CELF2: variants seen among roughly 807,000 people sequenced by gnomAD.
The protein encoded by CELF2 is CUGBP Elav-like family member 2, also known as CUG triplet repeat RNA-binding protein 2.
CELF2 carries 8 observed loss-of-function variants against 62.6 expected under a neutral mutation model. That is an observed-to-expected ratio of 0.13 (90% CI 0.07 to 0.23). The LOEUF (loss-of-function observed/expected upper bound fraction) is 0.23, where lower values mean the gene tolerates loss of function less well. Ranked by LOEUF, CELF2 falls within the 10% of genes least tolerant of loss-of-function variation. The pLI is 1.00. For missense variants in CELF2, 333 were observed against 671.0 expected (o/e 0.50, Z 5.56); for synonymous variants, 258 against 250.0 (o/e 1.03, Z -0.30).
At chr10:11,187,752 C>T (rs1488420642) in intron 2 of CELF2, among the ~76,000 whole-genome samples, 1 of 151,818 alleles carries the variant, frequency 6.6e-6, no homozygotes, top group East Asian at 1.9e-4. Flanking sequence ...TGAGAATCTA[C>T]TTCCATTTCT....
In CELF2 at chr10:11,019,071, A is replaced by G. The variant is rs549825638; in HGVS notation, c.74+908A>G. On this transcript the variant is annotated intron_variant, in intron 1 of 12. Coordinates refer to ENST00000633077, the MANE Select transcript of CELF2 (RefSeq NM_001326342.2). Reference sequence around the variant, plus strand: ...GGTAGAGCGTTTATTGGAAAGAAGTAGAGAGCTGGGATTCCTGAAGAAAGG... The same window carrying G: ...GGTAGAGCGTTTATTGGAAAGAAGTGGAGAGCTGGGATTCCTGAAGAAAGG... 1.0e-3 allele frequency among the ~76,000 whole-genome samples: 154 copies of G among 152,326 alleles called. 3 individuals carry two copies. Among genetic ancestry groups the G allele is most frequent in the African/African-American group, 3.6e-3 (151 of 41,574 alleles).
intron 1 of CELF2, among the ~76,000 whole-genome samples, chr10:10,903,827 G>T (rs2063125208): frequency 6.6e-6 from 1 of 152,164 alleles, no homozygotes. Context: ...CTTCTATAGT[G>T]CCCCTACAGG....
At chr10:10,737,181 A>G in the CELF2 span, among the ~76,000 whole-genome samples, 1 of 152,140 alleles carries the variant, frequency 6.6e-6, no homozygotes, top group South Asian at 2.1e-4. Context: ...TATCCGTCAA[A>G]TGTTTGAAAC....
At chr10:11,323,942 ATAT>A (rs2095589183) in intron 11 of CELF2, among the ~76,000 whole-genome samples, 1 of 150,736 alleles carries the variant, frequency 6.6e-6, no homozygotes, top group South Asian at 2.1e-4. Context: ...TTTCATTTTA[ATAT>A]TAAAAACTCG....
At chr10:11,190,752 C>G (rs1388012440) in intron 2 of CELF2, among the ~76,000 whole-genome samples, 3 of 113,578 alleles carry the variant, frequency 2.6e-5, no homozygotes, top group African/African-American at 1.0e-4. Flanking sequence ...CTCTCAGTGG[C>G]TGGGTTTTGT....
At chr10:10,671,721 T>C in the CELF2 span, among the ~76,000 whole-genome samples, 3 of 152,058 alleles carry the variant, frequency 2.0e-5, no homozygotes, top group African/African-American at 7.2e-5. Flanking sequence ...TTATTTGCCA[T>C]CTGTATGTCT....
Position 11,241,491 on chromosome 10 carries a change from C to T in CELF2, c.355-7662C>T, listed in dbSNP as rs193238498. 4.6e-5 allele frequency among the ~76,000 whole-genome samples: 7 copies of T among 152,282 alleles called. No individual in the cohort carries two copies. In the South Asian group the frequency reaches 8.3e-4, roughly 18 times the overall value. ...CTGGGATTACAGGTGTGAGTGACCG[C>T]GCTGGGCCAGCTGCTTGTTATTGAT... On this transcript the variant is annotated intron_variant, in intron 3 of 12. Transcript: ENST00000633077.
chr10:10,582,047 C>G, the CELF2 span, among the ~76,000 whole-genome samples: 1 of 152,010 alleles, frequency 6.6e-6, no homozygotes, highest in Non-Finnish European at 1.5e-5. Flanking sequence ...GGTGGGGGGT[C>G]ACATATCCAC....
chr10:11,032,146 C>CAAAAAAAAAAAAAAAAAAAAAAA (rs56364371), intron 1 of CELF2, among the ~76,000 whole-genome samples: 1 of 86,390 alleles, frequency 1.2e-5, no homozygotes. Context: ...AGGGCTTAGC[C>CAAAAAAAAAAAAAAAAAAAAAAA]AAAAAAAAAA....
chr10:10,833,352 C>G (rs1564689919), intron 1 of CELF2, among the ~76,000 whole-genome samples: 1 of 152,198 alleles, frequency 6.6e-6, no homozygotes, highest in African/African-American at 2.4e-5. Context: ...TCCTTACCAA[C>G]TGTGTTCATT....
the CELF2 span, among the ~76,000 whole-genome samples, chr10:10,712,272 C>T: frequency 6.6e-6 from 1 of 151,546 alleles, no homozygotes; most frequent in Non-Finnish European, 1.5e-5. Flanking sequence ...ATCAGAGAAG[C>T]TTTGGCTCCT....
upstream of CELF2, chr10:10,798,284 A>C (rs1437524653): frequency 6.5e-6 from 1 of 153,108 alleles, no homozygotes; most frequent in Admixed American, 6.5e-5. Context: ...AAGAAACCTA[A>C]CCAGTCTCCT....
intron 2 of CELF2, among the ~76,000 whole-genome samples, chr10:10,984,475 C>T (rs2052513022): frequency 6.6e-6 from 1 of 152,120 alleles, no homozygotes; most frequent in Non-Finnish European, 1.5e-5. Context: ...AAGCCTGGCG[C>T]CGTTTGATTC....
upstream of CELF2, among the ~76,000 whole-genome samples, chr10:10,795,968 A>AC (rs1175727740): frequency 6.6e-6 from 1 of 151,522 alleles, no homozygotes; most frequent in Non-Finnish European, 1.5e-5. Context: ...CCCCATCCCC[A>AC]CCCCAGTGTC....
intron 5 of CELF2, among the ~76,000 whole-genome samples, chr10:11,261,729 C>G (rs72775841): frequency 0.087 from 13,319 of 152,270 alleles, 741 homozygotes; most frequent in Non-Finnish European, 0.13. Context: ...CTTTGGGATG[C>G]TCAGCACCTT....
chr10:11,106,878 T>C (rs1423926998), intron 1 of CELF2, among the ~76,000 whole-genome samples: 1 of 152,130 alleles, frequency 6.6e-6, no homozygotes, highest in Non-Finnish European at 1.5e-5. Flanking sequence ...ACTTCTCAGC[T>C]CAGACTTACT....
At chr10:10,731,243 AACACACACACAC>A in the CELF2 span, among the ~76,000 whole-genome samples, 2 of 146,576 alleles carry the variant, frequency 1.4e-5, no homozygotes, top group African/African-American at 2.5e-5. Flanking sequence ...TCCTGCAGAA[AACACACACACAC>A]ACACACACAC....
At chr10:10,660,311 G>A in the CELF2 span, among the ~76,000 whole-genome samples, 1 of 152,174 alleles carries the variant, frequency 6.6e-6, no homozygotes, top group Non-Finnish European at 1.5e-5. Context: ...ATAGTAAAGT[G>A]GAGGCTCAAA....
At chr10:11,139,514 A>G (rs1259390005) in intron 1 of CELF2, among the ~76,000 whole-genome samples, 6 of 152,222 alleles carry the variant, frequency 3.9e-5, no homozygotes, top group African/African-American at 1.4e-4. Context: ...AAAAGGGGCC[A>G]TATCAGTGTT....
Sources: gnomAD v4.1 joint callset for allele counts (sites outside exome capture counted in the v4.1 genomes callset) on GRCh38, gnomAD v4.1.1 for gene constraint, MANE v1.5 for transcripts, NCBI Gene and HGNC (gene_info 2026-07-23, HGNC 2026-07-21) for gene names.